NOL4: variants seen among roughly 807,000 people sequenced by gnomAD.
The protein encoded by NOL4 is nucleolar protein 4.
In NOL4, 17 loss-of-function variants were observed where a neutral mutation model predicts 75.9. That is an observed-to-expected ratio of 0.22 (90% CI 0.15 to 0.34). NOL4 has a LOEUF of 0.34. Among genes scored for constraint, NOL4 ranks in the 10% least tolerant of loss-of-function variants. The probability of loss-of-function intolerance (pLI) is 1.00; values close to 1 mark genes in which losing one functional copy is unlikely to be tolerated. For synonymous variants in NOL4, 292 were observed against 289.9 expected (o/e 1.01, Z -0.07); for missense variants, 614 against 793.5 (o/e 0.77, Z 2.72).
intron 9 of NOL4, among the ~76,000 whole-genome samples, chr18:33,927,447 T>C (rs1338883145): frequency 6.6e-6 from 1 of 152,166 alleles, no homozygotes; most frequent in African/African-American, 2.4e-5. Flanking sequence ...TTCCTCACTG[T>C]ATCTCCTTAA....
chr18:34,019,441 G>A lies in NOL4; in HGVS notation c.933C>T (p.Leu311=). ...EQPLNLSDSP[L]SAQLTSEYRI... Reference sequence around the variant, plus strand: ...TGTATTCCGAAGTTAGCTGCGCAGAGAGGGGACTGTCACTCAGGTTCAGTG... The same window carrying A: ...TGTATTCCGAAGTTAGCTGCGCAGAAAGGGGACTGTCACTCAGGTTCAGTG... The change falls in exon 6 of 11, where the codon CTC becomes CTT. Residue 311 remains leucine (L), a synonymous_variant. Coordinates refer to ENST00000261592, the MANE Select transcript of NOL4 (RefSeq NM_003787.5). 1.2e-6 allele frequency: 2 copies of A among 1,613,988 alleles called. No individual in the cohort carries two copies. Among genetic ancestry groups the A allele is most frequent in the Admixed American group, 1.7e-5 (1 of 59,986 alleles).
At chr18:34,046,729 G>T (rs2144897817) in intron 5 of NOL4, among the ~76,000 whole-genome samples, 1 of 144,760 alleles carries the variant, frequency 6.9e-6, no homozygotes, top group Middle Eastern at 3.6e-3. Flanking sequence ...TGTTAATTCT[G>T]CTCACTGCCT....
intron 2 of NOL4, among the ~76,000 whole-genome samples, chr18:34,127,597 C>A (rs1183256569): frequency 6.6e-6 from 1 of 151,870 alleles, no homozygotes; most frequent in East Asian, 1.9e-4. Flanking sequence ...CAGTCTATGG[C>A]CTTAATAGCA....
At chr18:33,964,071 G>T (rs952901025) in intron 6 of NOL4, among the ~76,000 whole-genome samples, 3 of 152,142 alleles carry the variant, frequency 2.0e-5, no homozygotes, top group Non-Finnish European at 2.9e-5. Flanking sequence ...AGCAGTGATC[G>T]TAAGGTATCA....
rs573406120 is a variant in NOL4 at position 33,913,621 on chromosome 18, A to G, written c.1542+29444T>C. 2.6e-5 allele frequency among the ~76,000 whole-genome samples: 4 copies of G among 152,252 alleles called. No homozygotes were observed. In the East Asian group the frequency reaches 5.8e-4, roughly 22 times the overall value. Reference sequence around the variant, plus strand: ...AGGTTTAACGACTTATGTTGCCATTATGGTAGAAAAAATGCAGTCTTTCTG... The same window carrying G: ...AGGTTTAACGACTTATGTTGCCATTGTGGTAGAAAAAATGCAGTCTTTCTG... On this transcript the variant is annotated intron_variant, in intron 9 of 10. Transcript: ENST00000261592.
intron 5 of NOL4, among the ~76,000 whole-genome samples, chr18:34,034,264 C>G (rs2075779529): frequency 6.7e-6 from 1 of 149,788 alleles, no homozygotes; most frequent in Non-Finnish European, 1.5e-5. Flanking sequence ...AACAAAATCT[C>G]ACACATCAGT....
intron 8 of NOL4, among the ~76,000 whole-genome samples, chr18:33,954,494 TAGA>T (rs968059499): frequency 4.7e-4 from 71 of 152,062 alleles, no homozygotes; most frequent in South Asian, 8.3e-4. Context: ...ACTCAGATTG[TAGA>T]AGAAGAAGAA....
At chr18:34,050,216 C>G (rs1202112865) in intron 5 of NOL4, among the ~76,000 whole-genome samples, 1 of 151,822 alleles carries the variant, frequency 6.6e-6, no homozygotes, top group Admixed American at 6.6e-5. Context: ...TCTCATAATT[C>G]AAAAAGTTAT....
intron 9 of NOL4, among the ~76,000 whole-genome samples, chr18:33,898,101 C>G (rs2144932418): frequency 6.6e-6 from 1 of 152,150 alleles, no homozygotes; most frequent in East Asian, 1.9e-4. Context: ...TTTGTAGAGA[C>G]AAGGCCTCCC....
chr18:34,139,613 CT>C (rs2081054856), intron 1 of NOL4, among the ~76,000 whole-genome samples: 1 of 151,978 alleles, frequency 6.6e-6, no homozygotes, highest in Non-Finnish European at 1.5e-5. Flanking sequence ...TTTTGTTCAT[CT>C]TTTTAAAAAA....
At chr18:34,166,518 T>C (rs1037120359) in intron 1 of NOL4, among the ~76,000 whole-genome samples, 9 of 152,096 alleles carry the variant, frequency 5.9e-5, no homozygotes, top group Admixed American at 1.3e-4. Flanking sequence ...TTATCAAAGA[T>C]CTATCATTTG....
intron 1 of NOL4, among the ~76,000 whole-genome samples, chr18:34,132,244 T>C (rs890763387): frequency 6.6e-6 from 1 of 152,248 alleles, no homozygotes; most frequent in Non-Finnish European, 1.5e-5. Flanking sequence ...CTCAAGATGC[T>C]TAATAATATC....
intron 8 of NOL4, among the ~76,000 whole-genome samples, chr18:33,955,961 T>A (rs528912447): frequency 6.6e-6 from 1 of 152,162 alleles, no homozygotes; most frequent in South Asian, 2.1e-4. Flanking sequence ...AAGTCTCCTA[T>A]ATATTCCCTA....
At chr18:34,057,289 T>G (rs1008447907) in intron 5 of NOL4, among the ~76,000 whole-genome samples, 2 of 152,212 alleles carry the variant, frequency 1.3e-5, no homozygotes, top group African/African-American at 4.8e-5. Context: ...CATGTGCATA[T>G]GTACACTCAC....
chr18:33,924,505 C>T lies in NOL4; in HGVS notation c.1542+18560G>A, dbSNP rs78320171. On this transcript the variant is annotated intron_variant, in intron 9 of 10. Coordinates refer to ENST00000261592, the MANE Select transcript of NOL4 (RefSeq NM_003787.5). ...TTCCTATCGTGTGGTGGGCTTCTCA[C>T]TCAAAGCCTCTTCCCCTCCCTAAAA... is the stretch of plus-strand genomic sequence containing the variant. Among the ~76,000 whole-genome samples, 839 of 152,238 alleles carry T rather than the reference C, an allele frequency of 5.5e-3. 13 individuals carry two copies. The highest frequency in any genetic ancestry group is 0.019 in the African/African-American group (806 of 41,542).
rs370397247 is a variant in NOL4, at chr18:34,043,153, G to T, written c.773-23552C>A. The stretch of plus-strand genomic sequence containing the variant: ...CTCTGATTTTCTTCATGTACTTACA[G>T]TGTGCATGATTTTCTTCATGTACAT... On this transcript the variant is annotated intron_variant, in intron 5 of 10. Transcript: ENST00000261592. Among the ~76,000 whole-genome samples the T allele has an allele frequency of 4.6e-5, 7 of 152,100 alleles. 1 individual carries two copies. The South Asian group carries it at 1.4e-3, about 31-fold the overall frequency.
At chr18:34,032,462 A>T (rs570074951) in intron 5 of NOL4, among the ~76,000 whole-genome samples, 11 of 152,262 alleles carry the variant, frequency 7.2e-5, no homozygotes, top group Admixed American at 5.9e-4. Flanking sequence ...TGCTTAGCCC[A>T]GTCCACCACC....
At position 34,129,943 on chromosome 18, in the gene NOL4, C is replaced by G. The variant is rs190733368; in HGVS notation, c.342G>C (p.Ser114=). The change falls in exon 2 of 11, where the codon TCG becomes TCC. Residue 114 remains serine, a synonymous_variant. Transcript: ENST00000261592. ...CATTTGGCCCCGTTTCCACATGCAT[C>G]GAATAAATAATGTCAAAGAAATCTT... The part of the protein sequence containing the change: ...VVEDFFDIIY[S]MHVETGPNGE... 126 of 1,597,974 alleles carry G rather than the reference C, an allele frequency of 7.9e-5. No homozygotes were observed. The East Asian group carries it at 1.8e-3, about 22-fold the overall frequency.
At chr18:34,092,370 C>A (rs185211996) in intron 5 of NOL4, among the ~76,000 whole-genome samples, 37 of 152,196 alleles carry the variant, frequency 2.4e-4, no homozygotes, top group African/African-American at 8.4e-4. Context: ...ATAATCAATG[C>A]ATTCCTCATT....
Sources: gnomAD v4.1 joint callset for allele counts (sites outside exome capture counted in the v4.1 genomes callset) on GRCh38, gnomAD v4.1.1 for gene constraint, MANE v1.5 for transcripts, NCBI Gene and HGNC (gene_info 2026-07-23, HGNC 2026-07-21) for gene names.